The following NELFB variants were observed in gnomAD, a reference collection of about 807,000 sequenced individuals.
NELFB encodes the protein negative elongation factor complex member B.
NELFB carries 34 observed loss-of-function variants against 60.2 expected under a neutral mutation model. That is an observed-to-expected ratio of 0.56 (90% CI 0.43 to 0.75). The LOEUF (loss-of-function observed/expected upper bound fraction) is 0.75, where lower values mean the gene tolerates loss of function less well. Ranked by LOEUF, NELFB falls within the 30% of genes least tolerant of loss-of-function variation. The probability of loss-of-function intolerance (pLI) is 0.00; values close to 1 mark genes in which losing one functional copy is unlikely to be tolerated. For synonymous variants in NELFB, 459 were observed against 382.1 expected (o/e 1.20, Z -2.35); for missense variants, 770 against 831.6 (o/e 0.93, Z 0.91).
Position 137,269,896 on chromosome 9 carries a change from G to C in NELFB, c.1490-2185G>C, listed in dbSNP as rs1053759033. Among the ~76,000 whole-genome samples, 3 of 152,234 alleles carry C rather than the reference G, an allele frequency of 2.0e-5. No homozygotes were observed. ...ATGTGCATTTTCAGTCACATTTGGG[G>C]AGAGCACGCGTGTTCTTAAGTTTTT... On this transcript the variant is annotated intron_variant, in intron 10 of 12. Coordinates refer to ENST00000343053, the MANE Select transcript of NELFB (RefSeq NM_015456.5). The surrounding 1 kb of genome is among the most constrained non-coding windows in gnomAD (Gnocchi z 5.3).
At chr9:137,265,565 T>C (rs545646909) in intron 6 of NELFB, among the ~76,000 whole-genome samples, 26 of 151,830 alleles carry the variant, frequency 1.7e-4, no homozygotes, top group African/African-American at 6.0e-4. Context: ...ATTTTTTGTA[T>C]TTTTGGTAGA....
chr9:137,271,300 G>A (rs960429084), intron 10 of NELFB, among the ~76,000 whole-genome samples: 3 of 152,270 alleles, frequency 2.0e-5, no homozygotes, highest in African/African-American at 4.8e-5. Flanking sequence ...CACTCTGGGC[G>A]CAGGTGGCGC....
At chr9:137,272,027 C>T (rs1276178887) in intron 10 of NELFB, 54 bp from the exon 11 acceptor site, 2 of 1,609,858 alleles carry the variant, frequency 1.2e-6, no homozygotes, top group African/African-American at 2.7e-5. Flanking sequence ...ACAAGGGTGC[C>T]CTCTGGGGTG....
chr9:137,266,062 G>A (rs1830514335), intron 7 of NELFB, 83 bp downstream of exon 7: 1 of 1,113,356 alleles, frequency 9.0e-7, no homozygotes, highest in Non-Finnish European at 1.3e-6. Context: ...GTGGACAGCA[G>A]CGGCCAGGTG....
intron 4 of NELFB, 81 bp downstream of exon 4, chr9:137,257,135 A>C: frequency 8.2e-7 from 1 of 1,226,960 alleles, no homozygotes; most frequent in East Asian, 2.4e-5. Context: ...GGGGATCAGC[A>C]CTCTGCTGCC....
In NELFB at chr9:137,269,475, C is replaced by T. The variant is rs1468836817; in HGVS notation, c.1489+2129C>T. Among the ~76,000 whole-genome samples the T allele has an allele frequency of 6.6e-6, 1 of 152,194 alleles. No homozygotes were observed. The highest frequency in any genetic ancestry group is 1.5e-5 in the Non-Finnish European group (1 of 68,040). ...ATAACTTTAATTTGCCTTGGCCTGC[C>T]CACTGCAGTACAGTCACGTGTCACA... On this transcript the variant is annotated intron_variant, in intron 10 of 12. Coordinates refer to ENST00000343053, the MANE Select transcript of NELFB (RefSeq NM_015456.5). This position sits in a 1 kb window ranked among gnomAD's most constrained non-coding sequence, Gnocchi z 5.3.
chr9:137,262,519 A>G (rs1488665324), intron 4 of NELFB, among the ~76,000 whole-genome samples: 1 of 152,264 alleles, frequency 6.6e-6, no homozygotes, highest in South Asian at 2.1e-4. Context: ...GAGGATTGTT[A>G]TAATATTGGA....
intron 4 of NELFB, 51 bp from the exon 5 acceptor site, chr9:137,262,986 T>C (rs919353948): frequency 6.3e-7 from 1 of 1,584,324 alleles, no homozygotes; most frequent in African/African-American, 1.3e-5. Flanking sequence ...CGTCCCTGTG[T>C]CTGGCGGAGC....
intron 4 of NELFB, among the ~76,000 whole-genome samples, chr9:137,259,265 C>G (rs1038892698): frequency 6.6e-6 from 1 of 152,186 alleles, no homozygotes; most frequent in African/African-American, 2.4e-5. Context: ...CCTGGTGAGT[C>G]TTTCATGCTT....
intron 8 of NELFB, 80 bp from the exon 9 acceptor site, chr9:137,266,864 G>T: frequency 6.4e-7 from 1 of 1,551,286 alleles, no homozygotes; most frequent in South Asian, 1.2e-5. Context: ...GGGAGGGCCA[G>T]GGGCAGGGTG....
intron 10 of NELFB, 152 bp from the exon 11 acceptor site, chr9:137,271,929 A>C: frequency 8.6e-6 from 8 of 931,970 alleles, no homozygotes; most frequent in Admixed American, 2.8e-5. Context: ...CCCCCTCTTC[A>C]CCTGCTGAGA....
chr9:137,271,871 T>C (rs879421911), intron 10 of NELFB, among the ~76,000 whole-genome samples: 4 of 140,068 alleles, frequency 2.9e-5, no homozygotes, highest in Non-Finnish European at 6.2e-5. Flanking sequence ...GCAGCTCTGC[T>C]TCCCTGCCAC....
At chr9:137,258,400 T>G (rs1837591439) in intron 4 of NELFB, among the ~76,000 whole-genome samples, 1 of 151,468 alleles carries the variant, frequency 6.6e-6, no homozygotes, top group Non-Finnish European at 1.5e-5. Context: ...AGTGCTGGGA[T>G]TATAGGTGTG....
chr9:137,255,632 G>T (rs567190999), intron 1 of NELFB, 21 bp downstream of exon 1: 20 of 1,538,404 alleles, frequency 1.3e-5, no homozygotes, highest in Admixed American at 4.2e-5. Context: ...CCCCGGGGCG[G>T]GGGGAGCCCA....
rs1442111269 is a variant in NELFB, at chr9:137,263,040, G to A, written c.745G>A (p.Val249Met). The change falls in exon 5 of 13, where the codon GTG becomes ATG. Residue 249 changes from valine (V) to methionine (M), a missense_variant. By Grantham distance (21) the Val-to-Met change is conservative (BLOSUM62 1). Transcript: ENST00000343053. ...CTGACAGTGCCTCTTGCTGCAGGTGGTGCAGCGGCTGACGCGGATGGTGGG... is the reference window on the plus strand; with the variant it reads ...CTGACAGTGCCTCTTGCTGCAGGTGATGCAGCGGCTGACGCGGATGGTGGG... 2 of 1,610,876 alleles carry A rather than the reference G, an allele frequency of 1.2e-6. No homozygotes were observed. The highest frequency in any genetic ancestry group is 8.5e-7 in the Non-Finnish European group (1 of 1,177,370).
chr9:137,267,238 A>AG lies in NELFB; in HGVS notation c.1383dup. The AG allele has an allele frequency of 6.2e-7, 1 of 1,610,972 alleles. No homozygotes were observed. Among genetic ancestry groups the AG allele is most frequent in the Non-Finnish European group, 8.5e-7 (1 of 1,178,094 alleles). ...GTGGGGCTGATGGCGCCCCGGGCGCAGGTTTCTGCAGGAGCAGCGCATGGC... is the reference window on the plus strand; with the variant it reads ...GTGGGGCTGATGGCGCCCCGGGCGCAGGGTTTCTGCAGGAGCAGCGCATGGC... On this transcript the variant is annotated splice_acceptor_variant, in intron 9 of 12. Transcript: ENST00000343053. LOFTEE classifies it high-confidence loss of function.
Position 137,272,561 on chromosome 9 carries a change from G to C in NELFB, c.1686G>C (p.Arg562Ser). The change falls in exon 12 of 13, where the codon AGG becomes AGC. Residue 562 changes from arginine to serine, a missense_variant. Physicochemically the swap from Arg to Ser is moderately radical, Grantham distance 110. Coordinates refer to ENST00000343053, the MANE Select transcript of NELFB (RefSeq NM_015456.5). ...GGCTCCTCATTCACCTGCACCCCAG[G>C]GTGGCCCCGTCTAAGCTGGAGGCGT... 6.2e-7 allele frequency: 1 copy of C among 1,612,154 alleles called. No individual in the cohort carries two copies. Among genetic ancestry groups the C allele is most frequent in the Non-Finnish European group, 8.5e-7 (1 of 1,179,566 alleles).
intron 8 of NELFB, 24 bp from the exon 9 acceptor site, chr9:137,266,920 G>T (rs770077744): frequency 1.2e-6 from 2 of 1,611,352 alleles, no homozygotes; most frequent in Admixed American, 3.3e-5. Flanking sequence ...GCCCGCGCCC[G>T]CTCATGGCCT....
rs1360586673 is a variant in NELFB, at chr9:137,272,164, G to C, written c.1573G>C (p.Ala525Pro). 4 of 1,614,070 alleles carry C rather than the reference G, an allele frequency of 2.5e-6. No individual in the cohort carries two copies. In the African/African-American group the frequency reaches 4.0e-5, roughly 16 times the overall value. ...CCTTGCGCTGCTGGCCGACGAATTTGCCCTTGAGGACTTCTGCAGCAGCCT... is the reference window on the plus strand; with the variant it reads ...CCTTGCGCTGCTGGCCGACGAATTTCCCCTTGAGGACTTCTGCAGCAGCCT... The change falls in exon 11 of 13, where the codon GCC (alanine) becomes CCC (proline). Residue 525 changes from alanine to proline, a missense_variant. By Grantham distance (27) the Ala-to-Pro change is conservative. Coordinates refer to ENST00000343053, the MANE Select transcript of NELFB (RefSeq NM_015456.5).
Sources: allele counts gnomAD v4.1 joint callset (sites outside exome capture counted in the v4.1 genomes callset), GRCh38; gene constraint gnomAD v4.1.1; non-coding constraint Gnocchi (gnomAD v3.1); transcripts MANE v1.5; gene names NCBI Gene and HGNC (gene_info 2026-07-23, HGNC 2026-07-21).